The following ITGB6 variants were observed in gnomAD, a reference collection of about 807,000 sequenced individuals.
ITGB6 encodes the protein integrin beta-6.
A neutral mutation model predicts 84.5 loss-of-function variants in ITGB6; 80 were observed. That is an observed-to-expected ratio of 0.95 (90% CI 0.79 to 1.14). The LOEUF is 1.14. Ranked by LOEUF, ITGB6 falls within the 50% of genes most tolerant of loss-of-function variation. ITGB6 has a pLI of 0.00. For synonymous variants in ITGB6, 383 were observed against 354.9 expected, an observed-to-expected ratio of 1.08 and a Z score of -0.89; for missense variants, 1,006 against 968.0, an observed-to-expected ratio of 1.04 and a Z score of -0.52.
chr2:160,141,662 G>A (rs1684005012), intron 8 of ITGB6, among the ~76,000 whole-genome samples: 1 of 151,978 alleles, frequency 6.6e-6, no homozygotes, highest in Admixed American at 6.6e-5. Flanking sequence ...TTTTTTTTCA[G>A]ATGGAGGAGA....
chr2:160,190,137 G>A (rs4474845), intron 4 of ITGB6, among the ~76,000 whole-genome samples: 87,873 of 149,944 alleles, frequency 0.59, 26,560 homozygotes, highest in East Asian at 0.77. Context: ...TCTCACTCAT[G>A]GATGGGAATT....
rs143947750 is a variant in ITGB6 at position 160,101,367 on chromosome 2, G to T, written c.*369C>A. ...CACACAATGTGAGTATATGGGCTTTGTGACTTTGCCGAGACAAAAAACTCA... is the reference window on the plus strand; with the variant it reads ...CACACAATGTGAGTATATGGGCTTTTTGACTTTGCCGAGACAAAAAACTCA... On this transcript the variant is annotated 3_prime_UTR_variant, in exon 15 of 15. Transcript: ENST00000283249. The T allele has an allele frequency of 1.6e-5, 4 of 250,142 alleles. No homozygotes were observed. Among genetic ancestry groups the T allele is most frequent in the Non-Finnish European group, 3.0e-5 (4 of 131,276 alleles). The allele number at this position is 250,142 out of a possible 1,614,324, so 15.5% of individuals were successfully genotyped here.
chr2:160,147,624 G>C (rs952589745), intron 7 of ITGB6, among the ~76,000 whole-genome samples: 6 of 152,130 alleles, frequency 3.9e-5, no homozygotes, highest in African/African-American at 1.4e-4. Flanking sequence ...ATTGACAAAA[G>C]AATAGTCAGA....
intron 14 of ITGB6, among the ~76,000 whole-genome samples, chr2:160,106,957 T>C (rs1696932213): frequency 6.6e-6 from 1 of 152,178 alleles, no homozygotes; most frequent in Admixed American, 6.5e-5. Context: ...GATAGAGAGA[T>C]GAAATTAAAA....
intron 7 of ITGB6, among the ~76,000 whole-genome samples, chr2:160,160,753 C>T (rs1483190374): frequency 6.6e-6 from 1 of 152,134 alleles, no homozygotes; most frequent in South Asian, 2.1e-4. Flanking sequence ...CATAGTGATA[C>T]AAGCTGGGTG....
chr2:160,123,334 C>T (rs963032247), intron 12 of ITGB6, among the ~76,000 whole-genome samples: 1 of 152,076 alleles, frequency 6.6e-6, no homozygotes, highest in African/African-American at 2.4e-5. Flanking sequence ...GAAAAATGGC[C>T]ACTAACCAGA....
At chr2:160,120,035 G>A (rs1682962188) in intron 12 of ITGB6, among the ~76,000 whole-genome samples, 1 of 151,142 alleles carries the variant, frequency 6.6e-6, no homozygotes, top group African/African-American at 2.4e-5. Context: ...TAGAGAGGAT[G>A]TGGAGAAATA....
intron 10 of ITGB6, among the ~76,000 whole-genome samples, chr2:160,130,821 A>T (rs1193378409): frequency 6.6e-6 from 1 of 152,218 alleles, no homozygotes; most frequent in Non-Finnish European, 1.5e-5. Flanking sequence ...AAATATTATT[A>T]AATGAAAGAT....
At chr2:160,109,331 G>T (rs1697030370) in intron 13 of ITGB6, among the ~76,000 whole-genome samples, 1 of 152,186 alleles carries the variant, frequency 6.6e-6, no homozygotes, top group African/African-American at 2.4e-5. Context: ...CCTCTAATAG[G>T]TGAGCACATT....
rs1216788473 is a variant in ITGB6, at chr2:160,130,560, A to G, written c.1661-3959T>C. Among the ~76,000 whole-genome samples, 11 of 152,292 alleles carry G rather than the reference A, an allele frequency of 7.2e-5. No individual in the cohort carries two copies. The East Asian group carries it at 2.1e-3, about 29-fold the overall frequency. On this transcript the variant is annotated intron_variant, in intron 10 of 14. Transcript: ENST00000283249. ...TTTGTCTAATGAAAGATGAGTTGAAATTTACCTGGATTCATGATATTAAGA... is the reference window on the plus strand; with the variant it reads ...TTTGTCTAATGAAAGATGAGTTGAAGTTTACCTGGATTCATGATATTAAGA...
intron 4 of ITGB6, among the ~76,000 whole-genome samples, chr2:160,188,626 T>G (rs1000819396): frequency 1.3e-5 from 2 of 151,728 alleles, no homozygotes; most frequent in African/African-American, 2.4e-5. Context: ...TTTTGTTAGA[T>G]GTAGTCTCGC....
intron 6 of ITGB6, among the ~76,000 whole-genome samples, chr2:160,172,046 T>G (rs755670473): frequency 4.6e-5 from 7 of 152,146 alleles, no homozygotes; most frequent in Non-Finnish European, 8.8e-5. Flanking sequence ...GCTCTGAAAT[T>G]TTTTCCTGGT....
intron 12 of ITGB6, among the ~76,000 whole-genome samples, chr2:160,123,476 A>C (rs1683119060): frequency 6.6e-6 from 1 of 152,142 alleles, no homozygotes; most frequent in South Asian, 2.1e-4. Flanking sequence ...CATTTCTTCA[A>C]TTTTTCTCCA....
intron 4 of ITGB6, among the ~76,000 whole-genome samples, 179 bp from the exon 5 acceptor site, chr2:160,174,318 A>G (rs1685330199): frequency 6.6e-6 from 1 of 152,150 alleles, no homozygotes; most frequent in African/African-American, 2.4e-5. Context: ...AACCCTTTCT[A>G]TGTTGACCAT....
chr2:160,144,163 A>C (rs900595480), intron 7 of ITGB6, among the ~76,000 whole-genome samples: 1 of 152,134 alleles, frequency 6.6e-6, no homozygotes, highest in Non-Finnish European at 1.5e-5. Flanking sequence ...TCAGCCTTCC[A>C]AAGTGTTGGG....
rs562438778 is a variant in ITGB6, at chr2:160,126,909, G to A, written c.1661-308C>T. ...TGAATGGACCCCTCCTCTCAGCCAA[G>A]GGCATTCTAAACTAAACCTGAAACA... On this transcript the variant is annotated intron_variant, in intron 10 of 14. Transcript: ENST00000283249. Among the ~76,000 whole-genome samples, 293 of 152,258 alleles carry A rather than the reference G, an allele frequency of 1.9e-3. 1 individual carries two copies. The highest frequency in any genetic ancestry group is 3.4e-3 in the Non-Finnish European group (233 of 68,020).
intron 6 of ITGB6, among the ~76,000 whole-genome samples, chr2:160,171,421 G>A (rs1467109943): frequency 6.7e-6 from 1 of 149,954 alleles, no homozygotes; most frequent in East Asian, 2.0e-4. Flanking sequence ...TGCAAGCTGC[G>A]CCTCCTGGGT....
intron 11 of ITGB6, among the ~76,000 whole-genome samples, chr2:160,124,498 A>G (rs904213085): frequency 3.3e-5 from 5 of 152,244 alleles, no homozygotes; most frequent in African/African-American, 1.2e-4. Context: ...CTATTTATAG[A>G]AAAGTACATT....
At chr2:160,137,940 C>T in intron 9 of ITGB6, 89 bp from the exon 10 acceptor site, 6 of 1,534,464 alleles carry the variant, frequency 3.9e-6, no homozygotes, top group Non-Finnish European at 4.4e-6. Context: ...TTGCCAAAAG[C>T]ATTTACTAGA....
Sources: gnomAD v4.1 joint callset for allele counts (sites outside exome capture counted in the v4.1 genomes callset) on GRCh38, gnomAD v4.1.1 for gene constraint, MANE v1.5 for transcripts, NCBI Gene and HGNC (gene_info 2026-07-23, HGNC 2026-07-21) for gene names.